The following ENTPD1 variants were observed in gnomAD, a reference collection of about 807,000 sequenced individuals.
The protein encoded by ENTPD1 is ATP diphosphohydrolase.
ENTPD1 carries 33 observed loss-of-function variants against 57.0 expected under a neutral mutation model. The ratio of observed to expected loss-of-function variants is 0.58; its 90% CI spans 0.44 to 0.77. The LOEUF is 0.77. Ranked by LOEUF, ENTPD1 falls within the 30% of genes least tolerant of loss-of-function variation. The pLI, the probability that ENTPD1 is intolerant of heterozygous loss-of-function variation, is 0.00. For missense variants in ENTPD1, 501 were observed against 603.4 expected, an observed-to-expected ratio of 0.83 and a Z score of 1.78; for synonymous variants, 202 against 218.8, an observed-to-expected ratio of 0.92 and a Z score of 0.68.
In ENTPD1 at chr10:95,842,511, G is replaced by A. The variant is rs200563836; in HGVS notation, c.413+17G>A. 7 of 1,609,264 alleles carry A rather than the reference G, an allele frequency of 4.3e-6. No individual in the cohort carries two copies. Among genetic ancestry groups the A allele is most frequent in the African/African-American group, 4.0e-5 (3 of 74,850 alleles). On this transcript the variant is annotated intron_variant, in intron 4 of 9. Coordinates refer to ENST00000371205, the MANE Select transcript of ENTPD1 (RefSeq NM_001776.6). Reference sequence around the variant, plus strand: ...GTTGCTCAGGTATAGCAGCATGTAGGGACCAAGAGTATCTGGGAGTTAGGC... The same window carrying A: ...GTTGCTCAGGTATAGCAGCATGTAGAGACCAAGAGTATCTGGGAGTTAGGC...
chr10:95,855,055 T>C (rs1391139763), intron 7 of ENTPD1, among the ~76,000 whole-genome samples: 1 of 152,196 alleles, frequency 6.6e-6, no homozygotes, highest in Non-Finnish European at 1.5e-5. Context: ...TCTCCCATTA[T>C]TATTGTGTGG....
At chr10:95,856,607 T>G (rs1014288269) in intron 7 of ENTPD1, among the ~76,000 whole-genome samples, 1 of 150,330 alleles carries the variant, frequency 6.7e-6, no homozygotes. Flanking sequence ...TGCCCATCAA[T>G]CAACAAGTGG....
intron 1 of ENTPD1, among the ~76,000 whole-genome samples, chr10:95,713,646 T>G (rs12783226): frequency 0.17 from 26,024 of 152,184 alleles, 2,848 homozygotes; most frequent in East Asian, 0.56. Flanking sequence ...GCTCTTTAAC[T>G]CAACAGCACA....
chr10:95,761,745 C>T (rs2098064110), intron 1 of ENTPD1, among the ~76,000 whole-genome samples: 1 of 152,226 alleles, frequency 6.6e-6, no homozygotes, highest in African/African-American at 2.4e-5. Flanking sequence ...TTCTCCATGG[C>T]TCCAAGCTTC....
chr10:95,821,231 A>G (rs2098349926), intron 1 of ENTPD1, among the ~76,000 whole-genome samples: 1 of 152,180 alleles, frequency 6.6e-6, no homozygotes, highest in African/African-American at 2.4e-5. Flanking sequence ...TTTTATCCAG[A>G]TGTTTTAGCT....
chr10:95,831,303 T>C (rs1321576469), intron 2 of ENTPD1, among the ~76,000 whole-genome samples: 1 of 152,226 alleles, frequency 6.6e-6, no homozygotes, highest in Non-Finnish European at 1.5e-5. Context: ...GGATCATTAT[T>C]CTGCCTGCCT....
intron 1 of ENTPD1, among the ~76,000 whole-genome samples, chr10:95,761,793 G>A (rs898302830): frequency 6.6e-6 from 1 of 152,202 alleles, no homozygotes; most frequent in African/African-American, 2.4e-5. Flanking sequence ...AACTTGAGAA[G>A]TACTGGAGCA....
In ENTPD1 at chr10:95,870,795, A is replaced by G; in HGVS notation, c.*4412A>G. The stretch of plus-strand genomic sequence containing the variant: ...TCATAACTAGCTTTGCTTACTAACC[A>G]TGTTTCTTTCCATTTGTATTAGGTC... On this transcript the variant is annotated 3_prime_UTR_variant, in exon 10 of 10. Transcript: ENST00000371205. The G allele has an allele frequency of 2.0e-6, 2 of 985,370 alleles. No individual in the cohort carries two copies. Among genetic ancestry groups the G allele is most frequent in the Non-Finnish European group, 2.4e-6 (2 of 829,910 alleles). 61.0% of individuals were successfully genotyped at this position (985,370 alleles called of 1,614,324 possible). A position where few individuals can be genotyped will look rare whatever the true frequency, so the allele number is the denominator to read the frequency against.
rs71034350 is a variant in ENTPD1, at chr10:95,760,814, C to CTTTTTTTTTTTTTTTTTTTTTTTTT, written c.16+4568_16+4592dup. ...TGGAGTAAATTACATAGAGTTTATT[C>CTTTTTTTTTTTTTTTTTTTTTTTTT]TTTTTTTTTTTTTTTTTTTTTTTTT... On this transcript the variant is annotated intron_variant, in intron 1 of 9. Coordinates refer to ENST00000371205, the MANE Select transcript of ENTPD1 (RefSeq NM_001776.6). 1.1e-4 allele frequency among the ~76,000 whole-genome samples: 7 copies of CTTTTTTTTTTTTTTTTTTTTTTTTT among 62,956 alleles called. 1 individual carries two copies. The highest frequency in any genetic ancestry group is 2.0e-4 in the African/African-American group (3 of 14,902). 41.3% of individuals were successfully genotyped at this position (62,956 alleles called of 152,430 possible). A position where few individuals can be genotyped will look rare whatever the true frequency, so the allele number is the denominator to read the frequency against.
intron 1 of ENTPD1, among the ~76,000 whole-genome samples, chr10:95,717,342 T>G (rs1199927181): frequency 2.6e-5 from 1 of 38,450 alleles, no homozygotes; most frequent in Non-Finnish European, 6.1e-5. Flanking sequence ...GCAGGGTTTT[T>G]TTTTTTTTTT....
the ENTPD1 span, among the ~76,000 whole-genome samples, chr10:95,702,728 A>G: frequency 6.6e-6 from 1 of 152,210 alleles, no homozygotes; most frequent in Non-Finnish European, 1.5e-5. Flanking sequence ...TGACAAAGAG[A>G]AAATCTTTAA....
chr10:95,856,083 G>A (rs1192331803), intron 7 of ENTPD1, among the ~76,000 whole-genome samples: 1 of 152,138 alleles, frequency 6.6e-6, no homozygotes, highest in Non-Finnish European at 1.5e-5. Flanking sequence ...CCAATCAGAC[G>A]TAGATTTGGT....
intron 1 of ENTPD1, among the ~76,000 whole-genome samples, chr10:95,818,542 AG>A (rs1429873122): frequency 6.6e-6 from 1 of 152,228 alleles, no homozygotes; most frequent in Non-Finnish European, 1.5e-5. Flanking sequence ...GGGAGTCACC[AG>A]AAAGGGCCAT....
At chr10:95,811,389 T>C (rs989264438) in intron 1 of ENTPD1, among the ~76,000 whole-genome samples, 1 of 152,158 alleles carries the variant, frequency 6.6e-6, no homozygotes, top group Non-Finnish European at 1.5e-5. Flanking sequence ...ATGTTCACCT[T>C]CCCAGCTCCT....
intron 8 of ENTPD1, chr10:95,861,338 A>C (rs1239138277): frequency 6.6e-6 from 1 of 152,322 alleles, no homozygotes; most frequent in Non-Finnish European, 1.5e-5. Flanking sequence ...CCAGTGCCAC[A>C]AGATGAAAAT....
chr10:95,833,233 T>C (rs2098401583), intron 2 of ENTPD1, among the ~76,000 whole-genome samples: 1 of 152,248 alleles, frequency 6.6e-6, no homozygotes, highest in Non-Finnish European at 1.5e-5. Flanking sequence ...ATATCCTTAA[T>C]ACCACAAAAC....
At chr10:95,758,001 T>TAAAAA (rs2098036042) in intron 1 of ENTPD1, among the ~76,000 whole-genome samples, 1 of 20,536 alleles carries the variant, frequency 4.9e-5, no homozygotes, top group Non-Finnish European at 7.5e-5. Context: ...AGACACTGTC[T>TAAAAA]CAAAAAAAAA....
Position 95,867,821 on chromosome 10 carries a change from G to A in ENTPD1, c.*1438G>A, listed in dbSNP as rs1333967782. 6.1e-6 allele frequency: 6 copies of A among 985,240 alleles called. No homozygotes were observed. Among genetic ancestry groups the A allele is most frequent in the African/African-American group, 1.7e-5 (1 of 57,222 alleles). 61.0% of individuals were successfully genotyped at this position (985,240 alleles called of 1,614,324 possible). ...GGAAAGAAAAGCTCTCACACAAACC[G>A]GAAGCCAAATGTCCCCTATCTCTTG... On this transcript the variant is annotated 3_prime_UTR_variant, in exon 10 of 10. Transcript: ENST00000371205.
At chr10:95,696,469 G>A in the ENTPD1 span, among the ~76,000 whole-genome samples, 9 of 152,000 alleles carry the variant, frequency 5.9e-5, no homozygotes, top group Non-Finnish European at 1.3e-4. Flanking sequence ...TAGTAGAGAC[G>A]GAGTTTCACC....
Sources: gnomAD v4.1 joint callset for allele counts (sites outside exome capture counted in the v4.1 genomes callset) on GRCh38, gnomAD v4.1.1 for gene constraint, MANE v1.5 for transcripts, NCBI Gene and HGNC (gene_info 2026-07-23, HGNC 2026-07-21) for gene names.